MCTS1: variants seen among roughly 807,000 people sequenced by gnomAD.
MCTS1 encodes malignant T-cell-amplified sequence 1.
For synonymous variants in MCTS1, 26 were observed against 40.8 expected, an observed-to-expected ratio of 0.64 and a Z score of 1.38; for missense variants, 55 against 128.6, an observed-to-expected ratio of 0.43 and a Z score of 2.77.
intron 4 of MCTS1, 93 bp downstream of exon 4, chrX:120,608,451 TA>T: frequency 9.4e-6 from 9 of 953,142 alleles, no homozygotes; most frequent in Non-Finnish European, 1.2e-5. Context: ...ACATTAGATG[TA>T]CTTTTTTGAA....
intron 4 of MCTS1, among the ~76,000 whole-genome samples, chrX:120,609,845 G>A (rs1319662217): frequency 8.9e-6 from 1 of 111,979 alleles, no homozygotes; most frequent in Non-Finnish European, 1.9e-5. Context: ...AAATGGTACA[G>A]AGAGGTCTTG....
rs1179290225 is a variant in MCTS1, at chrX:120,618,768, C to T, written c.*6504C>T. 8.9e-6 allele frequency among the ~76,000 whole-genome samples: 1 copy of T among 112,275 alleles called. No homozygotes were observed. The highest frequency in any genetic ancestry group is 2.8e-4 in the East Asian group (1 of 3,614). Reference sequence around the variant, plus strand: ...TATCCTGCATTTATTTTGTGTTTCACAAGGTTAAAATTTTGTATTTTGTAA... The same window carrying T: ...TATCCTGCATTTATTTTGTGTTTCATAAGGTTAAAATTTTGTATTTTGTAA... On this transcript the variant is annotated 3_prime_UTR_variant, in exon 6 of 6. Transcript: ENST00000371317.
chrX:120,611,123 C>T, intron 5 of MCTS1, 45 bp downstream of exon 5: 1 of 1,117,267 alleles, frequency 9.0e-7, no homozygotes, highest in Non-Finnish European at 1.2e-6. Flanking sequence ...ATATGGGTAA[C>T]CAACCCAGGA....
At chrX:120,608,397 A>G (rs1456762781) in intron 4 of MCTS1, 39 bp downstream of exon 4, 5 of 1,135,910 alleles carry the variant, frequency 4.4e-6, no homozygotes, top group Non-Finnish European at 4.7e-6. Context: ...AAATGTATTC[A>G]TTGTGCTCTT....
chrX:120,611,174 A>C (rs1450078290), intron 5 of MCTS1, 96 bp downstream of exon 5: 2 of 699,831 alleles, frequency 2.9e-6, no homozygotes, highest in Non-Finnish European at 4.4e-6. Context: ...CATGCATACC[A>C]CATTACACAA....
rs1009312309 is a variant in MCTS1 at position 120,616,877 on chromosome X, A to G, written c.*4613A>G. Among the ~76,000 whole-genome samples the G allele has an allele frequency of 8.9e-6, 1 of 112,411 alleles. No homozygotes were observed. The highest frequency in any genetic ancestry group is 1.9e-5 in the Non-Finnish European group (1 of 53,315). ...CACTATTAATGTCCAATTCTAATTA[A>G]TGGATTGTTTTAGAAATGTATTTGT... On this transcript the variant is annotated 3_prime_UTR_variant, in exon 6 of 6. Transcript: ENST00000371317.
intron 4 of MCTS1, 127 bp from the exon 5 acceptor site, chrX:120,610,884 T>TA: frequency 1.6e-6 from 1 of 624,905 alleles, no homozygotes; most frequent in South Asian, 2.6e-5. Context: ...GTTAATGGTC[T>TA]AGGAGAAGAC....
rs907646893 is a variant in MCTS1 at position 120,619,854 on chromosome X, A to G, written c.*7590A>G. Among the ~76,000 whole-genome samples the G allele has an allele frequency of 1.8e-5, 2 of 111,889 alleles. No homozygotes were observed. The highest frequency in any genetic ancestry group is 6.5e-5 in the African/African-American group (2 of 30,744). ...CTCAGTCCTGAGGTCTGATTTTCCT[A>G]TTATTAGTCACTTTCAAGCCAGGTG... On this transcript the variant is annotated 3_prime_UTR_variant, in exon 6 of 6. Coordinates refer to ENST00000371317, the MANE Select transcript of MCTS1 (RefSeq NM_014060.3).
chrX:120,618,554 C>G lies in MCTS1; in HGVS notation c.*6290C>G, dbSNP rs985321308. 1.8e-5 allele frequency among the ~76,000 whole-genome samples: 2 copies of G among 112,170 alleles called. No homozygotes were observed. The highest frequency in any genetic ancestry group is 2.8e-4 in the East Asian group (1 of 3,609). ...CTTGTGTAAGCATTTTAGATTTAAG[C>G]AAGTTCAACTTGAAATATATTTGAA... is the stretch of plus-strand genomic sequence containing the variant. On this transcript the variant is annotated 3_prime_UTR_variant, in exon 6 of 6. Coordinates refer to ENST00000371317, the MANE Select transcript of MCTS1 (RefSeq NM_014060.3).
At chrX:120,609,861 C>G (rs1926637810) in intron 4 of MCTS1, among the ~76,000 whole-genome samples, 2 of 111,479 alleles carry the variant, frequency 1.8e-5, no homozygotes, top group South Asian at 7.4e-4. Context: ...TCTTGTGTAC[C>G]CTGAATCTTG....
At chrX:120,606,223 A>T in intron 3 of MCTS1, 47 bp downstream of exon 3, 1 of 754,028 alleles carries the variant, frequency 1.3e-6, no homozygotes, top group Non-Finnish European at 1.9e-6. Flanking sequence ...TCCTATTGCA[A>T]TATTCAAATG....
At chrX:120,605,262 T>A in intron 1 of MCTS1, 145 bp from the exon 2 acceptor site, 2 of 545,234 alleles carry the variant, frequency 3.7e-6, no homozygotes, top group South Asian at 8.0e-5. Context: ...GAGATGGTAT[T>A]TTTTTTTAAA....
intron 4 of MCTS1, among the ~76,000 whole-genome samples, chrX:120,609,902 C>T (rs1303471481): frequency 1.8e-5 from 2 of 112,329 alleles, no homozygotes; most frequent in Non-Finnish European, 3.8e-5. Flanking sequence ...CAGTGTTTAA[C>T]ATTCCAGAAA....
In MCTS1 at chrX:120,616,646, T is replaced by G. The variant is rs1219271623; in HGVS notation, c.*4382T>G. Among the ~76,000 whole-genome samples, 2 of 112,042 alleles carry G rather than the reference T, an allele frequency of 1.8e-5. No homozygotes were observed. The highest frequency in any genetic ancestry group is 6.5e-5 in the African/African-American group (2 of 30,929). ...GGAGATGATTCACTGGAATGTCTCTTAATAATACCATGTTCATTAAGAATA... is the reference window on the plus strand; with the variant it reads ...GGAGATGATTCACTGGAATGTCTCTGAATAATACCATGTTCATTAAGAATA... On this transcript the variant is annotated 3_prime_UTR_variant, in exon 6 of 6. Coordinates refer to ENST00000371317, the MANE Select transcript of MCTS1 (RefSeq NM_014060.3).
intron 4 of MCTS1, among the ~76,000 whole-genome samples, chrX:120,609,200 T>C (rs1475839036): frequency 8.9e-6 from 1 of 111,804 alleles, no homozygotes; most frequent in Non-Finnish European, 1.9e-5. Flanking sequence ...TTTTAGTTTT[T>C]GAGATGGAGT....
chrX:120,604,768 C>A, intron 1 of MCTS1: 1 of 1,093,669 alleles, frequency 9.1e-7, no homozygotes, highest in Non-Finnish European at 1.2e-6. Context: ...ATAGGCTATT[C>A]AGTGTAAGGA....
rs949621999 is a variant in MCTS1 at position 120,616,686 on chromosome X, AAAAT to A, written c.*4430_*4433del. On this transcript the variant is annotated 3_prime_UTR_variant, in exon 6 of 6. Transcript: ENST00000371317. ...CATTAAGAATAGGTCATTGGGAGGA[AAAAT>A]AAATAAAAACATCTGAACTCATTAG... is the stretch of plus-strand genomic sequence containing the variant. Among the ~76,000 whole-genome samples the A allele has an allele frequency of 2.0e-4, 23 of 112,238 alleles. No individual in the cohort carries two copies. Among genetic ancestry groups the A allele is most frequent in the Admixed American group, 1.1e-3 (12 of 10,512 alleles).
rs1402202036 is a variant in MCTS1, at chrX:120,621,129, TG to T, written c.*8868del. On this transcript the variant is annotated 3_prime_UTR_variant, in exon 6 of 6. Transcript: ENST00000371317. ...GAAATGATAATATTTTGGATATGTT[TG>T]GGTTAAATAAAATATATTACTAAAA... 8.9e-6 allele frequency: 1 copy of T among 112,916 alleles called. No individual in the cohort carries two copies. The highest frequency in any genetic ancestry group is 1.9e-5 in the Non-Finnish European group (1 of 53,434). 9.3% of individuals were successfully genotyped at this position (112,916 alleles called of 1,213,427 possible).
chrX:120,606,645 G>C (rs920767244), intron 3 of MCTS1, among the ~76,000 whole-genome samples: 1 of 111,052 alleles, frequency 9.0e-6, no homozygotes, highest in Non-Finnish European at 1.9e-5. Context: ...TTAGCCGGGC[G>C]TGGTCACAGG....
Sources: gnomAD v4.1 joint callset for allele counts (sites outside exome capture counted in the v4.1 genomes callset) on GRCh38, gnomAD v4.1.1 for gene constraint, MANE v1.5 for transcripts, NCBI Gene and HGNC (gene_info 2026-07-23, HGNC 2026-07-21) for gene names.